The following COL20A1 variants were observed in gnomAD, a reference collection of about 807,000 sequenced individuals.
COL20A1 encodes the protein collagen type XX alpha 1 chain.
Under a neutral mutation model 152.9 loss-of-function variants are expected in COL20A1, and 164 were observed. The ratio of observed to expected loss-of-function variants is 1.07; its 90% confidence interval spans 0.94 to 1.22. The LOEUF is 1.22. Ranked by LOEUF, COL20A1 falls within the 50% of genes most tolerant of loss-of-function variation. The pLI, the probability that COL20A1 is intolerant of heterozygous loss-of-function variation, is 0.00. For synonymous variants in COL20A1, 864 were observed against 756.0 expected (o/e 1.14, Z -2.34); for missense variants, 1,873 against 1,744.8 (o/e 1.07, Z -1.31).
chr20:63,328,549 G>A (rs551078100), intron 34 of COL20A1, 51 bp downstream of exon 34: 27 of 1,532,738 alleles, frequency 1.8e-5, no homozygotes, highest in Middle Eastern at 4.2e-4. Flanking sequence ...TGGGGGCGCC[G>A]GTTGTCCCCT....
At chr20:63,309,668 C>T in intron 9 of COL20A1, 90 bp from the exon 10 acceptor site, 1 of 1,329,278 alleles carries the variant, frequency 7.5e-7, no homozygotes, top group Non-Finnish European at 1.0e-6. Flanking sequence ...AGCAGCTTTC[C>T]TGTCCCTCCT....
intron 1 of COL20A1, among the ~76,000 whole-genome samples, chr20:63,294,672 C>T (rs1331435053): frequency 5.3e-5 from 8 of 152,182 alleles, no homozygotes; most frequent in Admixed American, 1.3e-4. Context: ...AGGGACTCCA[C>T]ATGTCCAGCA....
In COL20A1 at chr20:63,313,374, T is replaced by C. The variant is rs2068041561; in HGVS notation, c.2209+125T>C. 1 of 1,066,838 alleles carries C rather than the reference T, an allele frequency of 9.4e-7. No individual in the cohort carries two copies. Among genetic ancestry groups the C allele is most frequent in the Non-Finnish European group, 1.3e-6 (1 of 753,162 alleles). 66.1% of individuals were successfully genotyped at this position (1,066,838 alleles called of 1,614,324 possible). A position where few individuals can be genotyped will look rare whatever the true frequency, so the allele number is the denominator to read the frequency against. On this transcript the variant is annotated intron_variant, in intron 17 of 35. Coordinates refer to ENST00000358894, the MANE Select transcript of COL20A1 (RefSeq NM_020882.4). This position sits in a 1 kb window ranked among gnomAD's most constrained non-coding sequence, Gnocchi z 5.9. ...AGAACTGCTGGCTCCAGAGCCCTGA[T>C]CACTGGGCCTGGTCGTTGGAGTCTG...
rs1388717059 is a variant in COL20A1, at chr20:63,334,784, C to T, written c.*4068C>T. On this transcript the variant is annotated 3_prime_UTR_variant, in exon 36 of 36. Coordinates refer to ENST00000358894, the MANE Select transcript of COL20A1 (RefSeq NM_020882.4). ...CAATTTTAAATAGTAGAAAATAAACCCTGAAGCAGTGTGCATTCATTAGTA... is the reference window on the plus strand; with the variant it reads ...CAATTTTAAATAGTAGAAAATAAACTCTGAAGCAGTGTGCATTCATTAGTA... 2 of 152,206 alleles carry T rather than the reference C, an allele frequency of 1.3e-5. No individual in the cohort carries two copies. Among genetic ancestry groups the T allele is most frequent in the Non-Finnish European group, 2.9e-5 (2 of 68,058 alleles). 9.4% of individuals were successfully genotyped at this position (152,206 alleles called of 1,614,324 possible).
rs776412768 is a variant in COL20A1 at position 63,325,314 on chromosome 20, G to A, written c.3295-127G>A. 4.9e-5 allele frequency: 37 copies of A among 761,700 alleles called. 1 individual carries two copies. The South Asian group carries it at 5.2e-4, about 11-fold the overall frequency. The allele number at this position is 761,700 out of a possible 1,614,324, so 47.2% of individuals were successfully genotyped here. The stretch of plus-strand genomic sequence containing the variant: ...ACAGATGGGACCAGAAGGTCCTGGA[G>A]GCCAGCAGGGCTCGCCGGGGACCCA... On this transcript the variant is annotated intron_variant, in intron 27 of 35. Transcript: ENST00000358894.
At chr20:63,293,551 A>G (rs1381893376) in intron 1 of COL20A1, among the ~76,000 whole-genome samples, 2 of 152,124 alleles carry the variant, frequency 1.3e-5, no homozygotes, top group Non-Finnish European at 2.9e-5. Flanking sequence ...GAGGGTGCAC[A>G]TCGAGCAGAG....
intron 8 of COL20A1, 44 bp downstream of exon 8, chr20:63,308,750 G>T: frequency 6.6e-7 from 1 of 1,511,812 alleles, no homozygotes; most frequent in South Asian, 1.3e-5. Context: ...CTCACCGCCG[G>T]GTGGGTTTAG....
intron 8 of COL20A1, among the ~76,000 whole-genome samples, chr20:63,308,943 CT>C (rs909922926): frequency 2.1e-4 from 32 of 152,210 alleles, no homozygotes; most frequent in African/African-American, 7.5e-4. Flanking sequence ...AACCCTCCCC[CT>C]GTGGCGTGAA....
chr20:63,317,888 C>T (rs2068105564), intron 21 of COL20A1, among the ~76,000 whole-genome samples: 1 of 152,038 alleles, frequency 6.6e-6, no homozygotes, highest in African/African-American at 2.4e-5. Flanking sequence ...TCCTCTTCCT[C>T]GGTGGCCTCA....
chr20:63,316,981 G>A (rs986361301), intron 21 of COL20A1, among the ~76,000 whole-genome samples: 3 of 152,194 alleles, frequency 2.0e-5, no homozygotes, highest in African/African-American at 4.8e-5. Context: ...GATCAAACAC[G>A]CAGGAGCCCC....
At chr20:63,315,271 A>G (rs1310690163) in intron 19 of COL20A1, 133 bp from the exon 20 acceptor site, 2 of 888,956 alleles carry the variant, frequency 2.2e-6, no homozygotes, top group South Asian at 1.4e-5. Flanking sequence ...CAGATGGGAC[A>G]TAGCACAGTC....
Position 63,316,350 on chromosome 20 carries a change from G to A in COL20A1, c.2525-203G>A, listed in dbSNP as rs950750986. ...ATTCCCCTGGGGAGGGGTGGGGGGC[G>A]ATGCCCAGCCCAGGGCCTGAAGCAG... is the stretch of plus-strand genomic sequence containing the variant. On this transcript the variant is annotated intron_variant, in intron 20 of 35. Coordinates refer to ENST00000358894, the MANE Select transcript of COL20A1 (RefSeq NM_020882.4). 7.9e-5 allele frequency among the ~76,000 whole-genome samples: 12 copies of A among 151,998 alleles called. No individual in the cohort carries two copies. The East Asian group carries it at 2.1e-3, about 27-fold the overall frequency.
At chr20:63,325,156 G>A (rs1254137133) in intron 27 of COL20A1, 3 of 588,544 alleles carry the variant, frequency 5.1e-6, no homozygotes, top group African/African-American at 1.8e-5. Flanking sequence ...TCTCCATGTC[G>A]GTCTGGGTCT....
chr20:63,314,407 A>G (rs755041), intron 19 of COL20A1, among the ~76,000 whole-genome samples: 48,418 of 151,920 alleles, frequency 0.32, 8,037 homozygotes, highest in African/African-American at 0.41. Flanking sequence ...CTCCAGGGAC[A>G]AGGACGTGGT....
chr20:63,326,003 A>AGG, intron 29 of COL20A1, 93 bp from the exon 30 acceptor site: 1 of 1,140,168 alleles, frequency 8.8e-7, no homozygotes, highest in Non-Finnish European at 1.3e-6. Flanking sequence ...CTTGGGTTAC[A>AGG]GGGTGTGTTG....
At chr20:63,312,253 C>T (rs1020943911) in intron 14 of COL20A1, among the ~76,000 whole-genome samples, 167 bp from the exon 15 acceptor site, 2 of 152,122 alleles carry the variant, frequency 1.3e-5, no homozygotes, top group African/African-American at 2.4e-5. Context: ...CCACCCCAGC[C>T]GTCCTGCAGT....
chr20:63,294,295 G>T (rs2067758430), intron 1 of COL20A1, among the ~76,000 whole-genome samples: 1 of 151,112 alleles, frequency 6.6e-6, no homozygotes, highest in African/African-American at 2.4e-5. Context: ...GAGGACTCGG[G>T]CCTGGCAGCT....
chr20:63,303,014 G>T (rs1288410735), intron 3 of COL20A1, among the ~76,000 whole-genome samples: 1 of 152,212 alleles, frequency 6.6e-6, no homozygotes, highest in Admixed American at 6.5e-5. Context: ...GTGAAGTTAA[G>T]ATTGTTCAGT....
intron 1 of COL20A1, among the ~76,000 whole-genome samples, chr20:63,293,585 T>A (rs1304143859): frequency 2.0e-5 from 3 of 152,100 alleles, no homozygotes; most frequent in African/African-American, 7.2e-5. Context: ...TCAGGCTGGA[T>A]GCCTGTGGCC....
Sources: allele counts gnomAD v4.1 joint callset (sites outside exome capture counted in the v4.1 genomes callset), GRCh38; gene constraint gnomAD v4.1.1; non-coding constraint Gnocchi (gnomAD v3.1); transcripts MANE v1.5; gene names NCBI Gene and HGNC (gene_info 2026-07-23, HGNC 2026-07-21).